Variants in SPAG16 observed in about 807,000 individuals in gnomAD.
SPAG16 encodes sperm associated antigen 16, also known as sperm-associated antigen 16 protein.
SPAG16 carries 86 observed loss-of-function variants against 80.4 expected under a neutral mutation model. The ratio of observed to expected loss-of-function variants is 1.07; its 90% CI spans 0.90 to 1.28. The LOEUF (loss-of-function observed/expected upper bound fraction) is 1.28. Ranked by LOEUF, SPAG16 falls within the 50% of genes most tolerant of loss-of-function variation. The pLI is 0.00. For synonymous variants in SPAG16, 294 were observed against 265.9 expected, an observed-to-expected ratio of 1.11 and a Z score of -1.03; for missense variants, 870 against 765.3, an observed-to-expected ratio of 1.14 and a Z score of -1.61.
intron 11 of SPAG16, among the ~76,000 whole-genome samples, chr2:213,911,831 T>A: frequency 1.3e-5 from 1 of 77,172 alleles, no homozygotes; most frequent in Non-Finnish European, 2.9e-5. Context: ...TGAGAAACAG[T>A]TAGCAAAAAA....
intron 10 of SPAG16, among the ~76,000 whole-genome samples, chr2:213,857,767 AG>A (rs1308797864): frequency 6.6e-6 from 1 of 152,226 alleles, no homozygotes; most frequent in East Asian, 1.9e-4. Context: ...TGCCATAGAC[AG>A]TGATTCCTCT....
At chr2:213,898,853 G>C (rs2077098744) in intron 11 of SPAG16, among the ~76,000 whole-genome samples, 1 of 152,042 alleles carries the variant, frequency 6.6e-6, no homozygotes, top group Non-Finnish European at 1.5e-5. Flanking sequence ...CTTATCAATA[G>C]AAATTCAACC....
Position 213,611,185 on chromosome 2 carries a change from T to C in SPAG16, c.1070+121095T>C, listed in dbSNP as rs114490530. Among the ~76,000 whole-genome samples the C allele has an allele frequency of 6.7e-3, 1,014 of 152,304 alleles. 10 individuals carry two copies. The highest frequency in any genetic ancestry group is 0.024 in the African/African-American group (984 of 41,554). ...CCCTCATGTGTTGTCCCTCCCACCT[T>C]AATAAATTTGTGTGCCATTTCTCCC... is the stretch of plus-strand genomic sequence containing the variant. On this transcript the variant is annotated intron_variant, in intron 10 of 15. Transcript: ENST00000331683.
At chr2:213,435,284 C>G (rs1342735278) in intron 9 of SPAG16, among the ~76,000 whole-genome samples, 10 of 152,046 alleles carry the variant, frequency 6.6e-5, no homozygotes, top group Admixed American at 6.6e-4. Context: ...AATGCAGAAA[C>G]AGAAAGTCAA....
chr2:214,254,118 G>GAATGCTGGCAAT (rs202179529), intron 15 of SPAG16, among the ~76,000 whole-genome samples: 13 of 152,084 alleles, frequency 8.5e-5, no homozygotes, highest in Admixed American at 8.5e-4. Flanking sequence ...TTGGTGTCTG[G>GAATGCTGGCAAT]TTTTGCACAT....
chr2:214,167,289 T>C (rs544469585), intron 15 of SPAG16, among the ~76,000 whole-genome samples: 1 of 152,208 alleles, frequency 6.6e-6, no homozygotes, highest in Admixed American at 6.6e-5. Flanking sequence ...GAAAAACTTG[T>C]CATCTAGTCA....
In SPAG16 at chr2:213,355,741, T is replaced by C. The variant is rs180884836; in HGVS notation, c.762+5096T>C. Among the ~76,000 whole-genome samples the C allele has an allele frequency of 7.2e-5, 11 of 152,360 alleles. No homozygotes were observed. In the East Asian group the frequency reaches 1.3e-3, roughly 19 times the overall value. The stretch of plus-strand genomic sequence containing the variant: ...TATCCTGAGATTTTGCTGAAGTTGC[T>C]TATCAGCTTAAGGAGATTTTGGGCT... On this transcript the variant is annotated intron_variant, in intron 7 of 15. Coordinates refer to ENST00000331683, the MANE Select transcript of SPAG16 (RefSeq NM_024532.5).
At chr2:213,298,347 A>G (rs1220509743) in intron 3 of SPAG16, among the ~76,000 whole-genome samples, 2 of 152,198 alleles carry the variant, frequency 1.3e-5, no homozygotes, top group East Asian at 1.9e-4. Context: ...TCTCAAAGCA[A>G]TAATTTGTAG....
intron 15 of SPAG16, among the ~76,000 whole-genome samples, chr2:214,166,401 T>C (rs2056656726): frequency 6.6e-6 from 1 of 152,126 alleles, no homozygotes; most frequent in South Asian, 2.1e-4. Context: ...TTGGAGCATC[T>C]ACTCCCTCCA....
At chr2:213,371,417 AAGAAAAG>A (rs769270797) in intron 8 of SPAG16, among the ~76,000 whole-genome samples, 11 of 123,740 alleles carry the variant, frequency 8.9e-5, no homozygotes, top group South Asian at 5.1e-4. Flanking sequence ...AAAAAAAAAA[AAGAAAAG>A]AAAAGACGAT....
chr2:213,364,135 T>C lies in SPAG16; in HGVS notation c.822T>C (p.Pro274=). Residue 274 remains proline (P), a synonymous_variant, in exon 8 of 16, where the codon CCT becomes CCC. Coordinates refer to ENST00000331683, the MANE Select transcript of SPAG16 (RefSeq NM_024532.5). ...KLQRGHSYHG[P]QIKVDHSREK... is the part of the protein sequence containing the mutation. ...AAAGAGGACATAGTTACCATGGTCC[T>C]CAAATTAAAGGTAAATGTAAAATGT... 1 of 1,515,962 alleles carries C rather than the reference T, an allele frequency of 6.6e-7. No homozygotes were observed. Among genetic ancestry groups the C allele is most frequent in the Non-Finnish European group, 8.8e-7 (1 of 1,132,878 alleles). The allele number at this position is 1,515,962 out of a possible 1,614,324, so 93.9% of individuals were successfully genotyped here.
chr2:213,844,315 A>G (rs2074505513), intron 10 of SPAG16, among the ~76,000 whole-genome samples: 1 of 152,168 alleles, frequency 6.6e-6, no homozygotes, highest in African/African-American at 2.4e-5. Context: ...GATGGAGTCA[A>G]GAAGGAGGAG....
chr2:213,905,443 T>C (rs1372177781), intron 11 of SPAG16, among the ~76,000 whole-genome samples: 1 of 152,234 alleles, frequency 6.6e-6, no homozygotes, highest in African/African-American at 2.4e-5. Flanking sequence ...TACAATCCAC[T>C]GGCATACATC....
rs77601511 is a variant in SPAG16 at position 213,342,886 on chromosome 2, A to C, written c.644+2616A>C. 2.2e-3 allele frequency among the ~76,000 whole-genome samples: 333 copies of C among 151,972 alleles called. 2 individuals are homozygous for C. The highest frequency in any genetic ancestry group is 7.5e-3 in the African/African-American group (311 of 41,462). ...GATGATCAACCCACATATCTTCCTG[A>C]AGGTACTTTTCAGCCCACAGTTTGA... On this transcript the variant is annotated intron_variant, in intron 6 of 15. Coordinates refer to ENST00000331683, the MANE Select transcript of SPAG16 (RefSeq NM_024532.5).
chr2:214,258,019 G>GT (rs1211076780), intron 15 of SPAG16, among the ~76,000 whole-genome samples: 1 of 152,002 alleles, frequency 6.6e-6, no homozygotes, highest in Non-Finnish European at 1.5e-5. Flanking sequence ...TTCATTTCAT[G>GT]TTTTTATAAT....
Position 213,896,592 on chromosome 2 carries a change from G to GCACACACACA in SPAG16, c.1215-33353_1215-33344dup, listed in dbSNP as rs372673398. On this transcript the variant is annotated intron_variant, in intron 11 of 15. Transcript: ENST00000331683. Reference sequence around the variant, plus strand: ...AAATGTGATATATACACACACACACGCACACACACACACACACACACACAT... The same window carrying GCACACACACA: ...AAATGTGATATATACACACACACACGCACACACACACACACACACACACACACACACACAT... Among the ~76,000 whole-genome samples, 1,036 of 111,896 alleles carry GCACACACACA rather than the reference G, an allele frequency of 9.3e-3. 22 individuals are homozygous for GCACACACACA. Among genetic ancestry groups the GCACACACACA allele is most frequent in the African/African-American group, 0.026 (775 of 29,866 alleles). The allele number at this position is 111,896 out of a possible 152,430, so 73.4% of individuals were successfully genotyped here. A position where few individuals can be genotyped will look rare whatever the true frequency, so the allele number is the denominator to read the frequency against.
intron 8 of SPAG16, among the ~76,000 whole-genome samples, chr2:213,366,903 C>A (rs2066327212): frequency 6.6e-6 from 1 of 152,068 alleles, no homozygotes; most frequent in Admixed American, 6.6e-5. Flanking sequence ...TCATCATTTA[C>A]ATTAGATATA....
At chr2:214,378,987 T>A (rs1189640230) in intron 15 of SPAG16, among the ~76,000 whole-genome samples, 2 of 152,178 alleles carry the variant, frequency 1.3e-5, no homozygotes, top group African/African-American at 4.8e-5. Flanking sequence ...ACCTGGGGAA[T>A]GGCAACGTGC....
chr2:214,311,238 C>T (rs564313446), intron 15 of SPAG16, among the ~76,000 whole-genome samples: 1 of 152,244 alleles, frequency 6.6e-6, no homozygotes, highest in Admixed American at 6.5e-5. Flanking sequence ...AAGGACTATA[C>T]CTCTAGGGAT....
Sources: gnomAD v4.1 joint callset for allele counts (sites outside exome capture counted in the v4.1 genomes callset) on GRCh38, gnomAD v4.1.1 for gene constraint, MANE v1.5 for transcripts, NCBI Gene and HGNC (gene_info 2026-07-23, HGNC 2026-07-21) for gene names.